TENM3: variants seen among roughly 807,000 people sequenced by gnomAD.
TENM3 encodes teneurin transmembrane protein 3.
TENM3 carries 63 observed loss-of-function variants against 255.1 expected under a neutral mutation model. The observed-to-expected ratio is 0.25, with a 90% CI of 0.20 to 0.30. The LOEUF is 0.30. Among genes scored for constraint, TENM3 ranks in the 10% least tolerant of loss-of-function variants. The probability of loss-of-function intolerance (pLI) is 1.00; values close to 1 mark genes in which losing one functional copy is unlikely to be tolerated. For missense variants in TENM3, 2,929 were observed against 3,461.1 expected, an observed-to-expected ratio of 0.85 and a Z score of 3.86; for synonymous variants, 1,306 against 1,322.3, an observed-to-expected ratio of 0.99 and a Z score of 0.27.
chr4:181,626,920 T>C, the TENM3 span, among the ~76,000 whole-genome samples: 2 of 152,224 alleles, frequency 1.3e-5, no homozygotes, highest in African/African-American at 4.8e-5. Context: ...AGGTCTATTG[T>C]ATAGAATCTA....
the TENM3 span, among the ~76,000 whole-genome samples, chr4:181,496,741 TA>T: frequency 2.0e-5 from 3 of 152,216 alleles, no homozygotes; most frequent in Non-Finnish European, 4.4e-5. Context: ...TCAAATGAAT[TA>T]ATAATAATGG....
At chr4:181,970,968 G>A in the TENM3 span, among the ~76,000 whole-genome samples, 1 of 152,036 alleles carries the variant, frequency 6.6e-6, no homozygotes, top group African/African-American at 2.4e-5. Flanking sequence ...TTTCCTCAGA[G>A]AAGGGGTCTC....
chr4:182,358,898 T>C (rs1765749069), intron 3 of TENM3, among the ~76,000 whole-genome samples: 1 of 151,824 alleles, frequency 6.6e-6, no homozygotes, highest in Non-Finnish European at 1.5e-5. Context: ...GTCCCATCAA[T>C]ACCTAATTTA....
intron 6 of TENM3, among the ~76,000 whole-genome samples, chr4:182,671,020 G>T (rs1466272478): frequency 6.6e-6 from 1 of 152,078 alleles, no homozygotes; most frequent in Non-Finnish European, 1.5e-5. Flanking sequence ...CTAGCATAAA[G>T]TATAAAGACC....
intron 1 of TENM3, among the ~76,000 whole-genome samples, chr4:182,297,447 A>G (rs774769112): frequency 3.9e-5 from 6 of 152,172 alleles, no homozygotes; most frequent in Middle Eastern, 3.2e-3. Context: ...GGATTATTTT[A>G]TTTCTGTACT....
intron 3 of TENM3, among the ~76,000 whole-genome samples, chr4:182,356,533 C>T (rs1186898880): frequency 1.3e-5 from 2 of 151,856 alleles, no homozygotes; most frequent in African/African-American, 2.4e-5. Flanking sequence ...GAGGACATTT[C>T]AGCATCTTCT....
chr4:181,845,956 A>T, the TENM3 span, among the ~76,000 whole-genome samples: 1 of 152,308 alleles, frequency 6.6e-6, no homozygotes, highest in South Asian at 2.1e-4. Flanking sequence ...TCCTACTAAT[A>T]AGCTTTCAGA....
At chr4:182,346,515 G>T (rs1764817326) in intron 2 of TENM3, 136 bp from the exon 3 acceptor site, 2 of 854,564 alleles carry the variant, frequency 2.3e-6, no homozygotes, top group Non-Finnish European at 3.5e-6. Context: ...TACTGTAAAC[G>T]CCTGGTGCTG....
At chr4:182,542,573 A>G (rs1011811418) in intron 3 of TENM3, among the ~76,000 whole-genome samples, 2 of 152,078 alleles carry the variant, frequency 1.3e-5, no homozygotes, top group Non-Finnish European at 2.9e-5. Context: ...TGAGAGCACA[A>G]TTCTTTGGGA....
In TENM3 at chr4:182,800,064, C is replaced by G. The variant is rs1339531683; in HGVS notation, c.7813C>G (p.Leu2605Val). 2.5e-6 allele frequency: 4 copies of G among 1,602,950 alleles called. No homozygotes were observed. Among genetic ancestry groups the G allele is most frequent in the Non-Finnish European group, 8.5e-7 (1 of 1,175,392 alleles). The change falls in exon 28 of 28, where the codon CTG (leucine) becomes GTG (valine). Residue 2605 changes from leucine to valine, a missense_variant. Physicochemically the swap from Leu to Val is conservative, Grantham distance 32 (BLOSUM62 1). Around this residue, in one of 6 missense-constraint regions of TENM3, gnomAD observed 476 missense variants for 480.1 expected, o/e 0.99. Transcript: ENST00000511685. ...GGAGATGCAGTTCGGCGCGCTGGCG[C>G]TGCACGTGCGCTACGGCATGACCCT... is the stretch of plus-strand genomic sequence containing the variant. ...DVEMQFGALALHVRYGMTLDE... is the reference protein window; with the variant it reads ...DVEMQFGALAVHVRYGMTLDE...
At chr4:182,534,757 C>A (rs184741303) in intron 3 of TENM3, among the ~76,000 whole-genome samples, 1 of 152,278 alleles carries the variant, frequency 6.6e-6, no homozygotes, top group East Asian at 1.9e-4. Context: ...AGATATTGAA[C>A]AACTTGCCCA....
At chr4:182,243,271 C>T (rs149418510), upstream of TENM3, among the ~76,000 whole-genome samples, 17 of 152,264 alleles carry the variant, frequency 1.1e-4, no homozygotes, top group Middle Eastern at 3.4e-3. Context: ...TGCACCACCA[C>T]GCCCAGATAA....
At chr4:181,872,270 A>G in the TENM3 span, among the ~76,000 whole-genome samples, 1 of 151,328 alleles carries the variant, frequency 6.6e-6, no homozygotes, top group Non-Finnish European at 1.5e-5. Context: ...ATATCTATAA[A>G]GTTATTCAGG....
At chr4:182,442,845 T>TAC (rs1445116595) in intron 3 of TENM3, among the ~76,000 whole-genome samples, 1 of 79,580 alleles carries the variant, frequency 1.3e-5, no homozygotes, top group African/African-American at 5.1e-5. Flanking sequence ...TACATACATA[T>TAC]ATACACACAC....
At chr4:182,512,698 C>G (rs1446059173) in intron 3 of TENM3, among the ~76,000 whole-genome samples, 1 of 152,148 alleles carries the variant, frequency 6.6e-6, no homozygotes, top group Non-Finnish European at 1.5e-5. Flanking sequence ...GGAGTGATAT[C>G]CAGATAGTCG....
At chr4:181,607,640 T>C in the TENM3 span, among the ~76,000 whole-genome samples, 1 of 152,028 alleles carries the variant, frequency 6.6e-6, no homozygotes, top group Non-Finnish European at 1.5e-5. Flanking sequence ...CCTGACCTCG[T>C]GATCTGCCTG....
intron 2 of TENM3, among the ~76,000 whole-genome samples, chr4:182,337,375 TG>T (rs1764209414): frequency 6.6e-6 from 1 of 152,080 alleles, no homozygotes; most frequent in African/African-American, 2.4e-5. Flanking sequence ...AATTTTAAAA[TG>T]GGCAAAAAAC....
the TENM3 span, among the ~76,000 whole-genome samples, chr4:181,978,577 G>A: frequency 5.9e-5 from 9 of 151,460 alleles, no homozygotes; most frequent in Non-Finnish European, 1.3e-4. Context: ...AACCTGGGAG[G>A]TGGAGGTTGC....
chr4:181,773,496 G>A, the TENM3 span, among the ~76,000 whole-genome samples: 1 of 152,186 alleles, frequency 6.6e-6, no homozygotes, highest in Non-Finnish European at 1.5e-5. Context: ...AACTTATGCT[G>A]TAAATGCTCT....
Sources: allele counts gnomAD v4.1 joint callset (sites outside exome capture counted in the v4.1 genomes callset), GRCh38; gene constraint gnomAD v4.1.1; regional missense constraint gnomAD v4.1.1; transcripts MANE v1.5; gene names NCBI Gene and HGNC (gene_info 2026-07-23, HGNC 2026-07-21).